Variants in ERBB2 observed in about 807,000 individuals in gnomAD.
ERBB2 encodes receptor tyrosine-protein kinase erbB-2.
A neutral mutation model predicts 149.0 loss-of-function variants in ERBB2; 61 were observed. The observed-to-expected ratio is 0.41, with a 90% CI of 0.33 to 0.51. The LOEUF is 0.51. ERBB2 is among the 20% of genes least tolerant of loss of function. The pLI is 0.25. For synonymous variants in ERBB2, 633 were observed against 678.8 expected, an observed-to-expected ratio of 0.93 and a Z score of 1.05; for missense variants, 1,205 against 1,655.1, an observed-to-expected ratio of 0.73 and a Z score of 4.72.
rs376399983 is a variant in ERBB2 at position 39,715,577 on chromosome 17, C to T, written c.1313+41C>T. 3.1e-6 allele frequency: 5 copies of T among 1,591,340 alleles called. No individual in the cohort carries two copies. The South Asian group carries it at 5.5e-5, about 18-fold the overall frequency. On this transcript the variant is annotated intron_variant, in intron 11 of 26. Coordinates refer to ENST00000269571, the MANE Select transcript of ERBB2 (RefSeq NM_004448.4). The stretch of plus-strand genomic sequence containing the variant: ...GAGGGGGCCTGATGGGGAGGAGTCC[C>T]AGGGAGGAGTCCCTGTGGGAAGCTT...
chr17:39,689,497 T>G (rs1213174392), intron 2 of ERBB2, among the ~76,000 whole-genome samples: 1 of 152,236 alleles, frequency 6.6e-6, no homozygotes, highest in Non-Finnish European at 1.5e-5. Context: ...CATTTCATTT[T>G]GTCCTTTCTG....
chr17:39,694,269 GT>G (rs2057801345), upstream of ERBB2, among the ~76,000 whole-genome samples: 2 of 17,856 alleles, frequency 1.1e-4, no homozygotes, highest in African/African-American at 3.5e-4. Context: ...ATATATATAT[GT>G]GTGTATATAT....
Position 39,712,331 on chromosome 17 carries a change from G to A in ERBB2, c.1031G>A (p.Gly344Asp), listed in dbSNP as rs1037129509. The A allele has an allele frequency of 6.2e-7, 1 of 1,614,006 alleles. No homozygotes were observed. ...CSKPCARVCY[G>D]LGMEHLREVR... is the part of the protein sequence containing the mutation. ...ACCCCCACCTCCTCAGTGTGCTATGGTCTGGGCATGGAGCACTTGCGAGAG... is the reference window on the plus strand; with the variant it reads ...ACCCCCACCTCCTCAGTGTGCTATGATCTGGGCATGGAGCACTTGCGAGAG... The change falls in exon 9 of 27, where the codon GGT (glycine) becomes GAT (aspartate). Residue 344 changes from glycine to aspartate, a missense_variant. Gly to Asp is a moderately conservative substitution (Grantham distance 94). Transcript: ENST00000269571.
At chr17:39,711,407 G>T (rs1273793208) in intron 7 of ERBB2, among the ~76,000 whole-genome samples, 3 of 152,096 alleles carry the variant, frequency 2.0e-5, no homozygotes, top group African/African-American at 7.2e-5. Context: ...GGCCAAGCTG[G>T]TCTCGAACTC....
chr17:39,700,823 T>C (rs905103073), intron 1 of ERBB2, among the ~76,000 whole-genome samples: 2 of 151,726 alleles, frequency 1.3e-5, no homozygotes, highest in Non-Finnish European at 2.9e-5. Context: ...GGGTCGGGTG[T>C]GTGTGTGTGT....
chr17:39,712,548 G>T, intron 9 of ERBB2, 100 bp downstream of exon 9: 1 of 1,414,276 alleles, frequency 7.1e-7, no homozygotes, highest in African/African-American at 1.4e-5. Context: ...AGACAGAAGT[G>T]GGGGGATCAA....
At chr17:39,696,390 C>T (rs1288027122), upstream of ERBB2, 1 of 152,410 alleles carries the variant, frequency 6.6e-6, no homozygotes. Flanking sequence ...CATTGTCTGC[C>T]AGTCCGGGTT....
intron 9 of ERBB2, among the ~76,000 whole-genome samples, chr17:39,714,657 G>A (rs915547126): frequency 1.3e-5 from 2 of 152,092 alleles, no homozygotes; most frequent in Non-Finnish European, 2.9e-5. Flanking sequence ...TTTACTAATA[G>A]ACATTTAGAT....
At chr17:39,716,221 G>A in intron 12 of ERBB2, 80 bp from the exon 13 acceptor site, 3 of 1,459,430 alleles carry the variant, frequency 2.1e-6, no homozygotes, top group Non-Finnish European at 9.1e-7. Flanking sequence ...CCACAGCCAT[G>A]CCCACAGCCA....
chr17:39,700,632 G>A (rs2058045796), intron 1 of ERBB2, among the ~76,000 whole-genome samples: 1 of 152,180 alleles, frequency 6.6e-6, no homozygotes, highest in Admixed American at 6.5e-5. Context: ...TAGAGCGCGC[G>A]CGCGCGTTTC....
At chr17:39,724,981 A>T (rs2145858347) in intron 20 of ERBB2, 68 bp from the exon 21 acceptor site, 1 of 1,607,574 alleles carries the variant, frequency 6.2e-7, no homozygotes, top group East Asian at 2.2e-5. Context: ...TAGGATGGGG[A>T]CTCTTGCTGG....
chr17:39,691,556 A>AAAAAAAAAAAAAAAAT (rs573116217), upstream of ERBB2, among the ~76,000 whole-genome samples: 1 of 84,176 alleles, frequency 1.2e-5, no homozygotes, highest in African/African-American at 5.0e-5. Context: ...TAAAAAAAAA[A>AAAAAAAAAAAAAAAAT]ATATATATAT....
Position 39,712,434 on chromosome 17 carries a change from G to A in ERBB2, c.1134G>A (p.Pro378=), listed in dbSNP as rs143225142. 35 of 1,613,554 alleles carry A rather than the reference G, an allele frequency of 2.2e-5. No homozygotes were observed. Among genetic ancestry groups the A allele is most frequent in the African/African-American group, 5.3e-5 (4 of 74,914 alleles). Residue 378 remains proline, a synonymous_variant, in exon 9 of 27, where the codon CCG becomes CCA. Coordinates refer to ENST00000269571, the MANE Select transcript of ERBB2 (RefSeq NM_004448.4). The part of the protein sequence containing the change: ...KKIFGSLAFL[P]ESFDGDPASN... ...TCTTTGGGAGCCTGGCATTTCTGCC[G>A]GAGAGCTTTGATGGGTAAGAGTGGG...
Position 39,710,572 on chromosome 17 carries a change from T to A in ERBB2, c.901+91T>A. ...CATATGGGGAGCACTGTCTGCATCT[T>A]GCTTTGAGAGCTGGTCATGACAGTT... is the stretch of plus-strand genomic sequence containing the variant. On this transcript the variant is annotated intron_variant, in intron 7 of 26. Coordinates refer to ENST00000269571, the MANE Select transcript of ERBB2 (RefSeq NM_004448.4). 9 of 1,441,446 alleles carry A rather than the reference T, an allele frequency of 6.2e-6. No individual in the cohort carries two copies. The South Asian group carries it at 8.5e-5, about 14-fold the overall frequency. 89.3% of individuals were successfully genotyped at this position (1,441,446 alleles called of 1,614,324 possible).
intron 16 of ERBB2, among the ~76,000 whole-genome samples, chr17:39,722,208 C>G (rs2145784978): frequency 6.6e-6 from 1 of 152,198 alleles, no homozygotes; most frequent in South Asian, 2.1e-4. Context: ...TTTCAGTATT[C>G]AATAAATTAC....
rs1224572293 is a variant in ERBB2, at chr17:39,715,553, AG to A, written c.1313+22del. ...TCTGCACAAGTGAGCACTGAGAAAG[AG>A]GGGGCCTGATGGGGAGGAGTCCCAG... On this transcript the variant is annotated intron_variant, in intron 11 of 26. Coordinates refer to ENST00000269571, the MANE Select transcript of ERBB2 (RefSeq NM_004448.4). The A allele has an allele frequency of 7.4e-6, 12 of 1,612,270 alleles. No homozygotes were observed. Among genetic ancestry groups the A allele is most frequent in the African/African-American group, 1.3e-5 (1 of 74,866 alleles).
At chr17:39,717,021 G>A (rs2059171505) in intron 14 of ERBB2, 1 of 449,988 alleles carries the variant, frequency 2.2e-6, no homozygotes. Context: ...CACGGGAAAG[G>A]CTTTCTACAG....
Position 39,726,113 on chromosome 17 carries a change from C to A in ERBB2, c.2872+260C>A. The A allele has an allele frequency of 2.1e-6, 1 of 474,188 alleles. No individual in the cohort carries two copies. Among genetic ancestry groups the A allele is most frequent in the South Asian group, 2.6e-5 (1 of 38,084 alleles). The allele number at this position is 474,188 out of a possible 1,614,324, so 29.4% of individuals were successfully genotyped here. A position where few individuals can be genotyped will look rare whatever the true frequency, so the allele number is the denominator to read the frequency against. ...CTTTTGGAGGCTGAGGTGGGAGGAT[C>A]CCTTGAAGCCAGGAGTTCAAGACCA... is the stretch of plus-strand genomic sequence containing the variant. On this transcript the variant is annotated intron_variant, in intron 23 of 26. Coordinates refer to ENST00000269571, the MANE Select transcript of ERBB2 (RefSeq NM_004448.4). This position sits in a 1 kb window ranked among gnomAD's most constrained non-coding sequence, Gnocchi z 5.1.
chr17:39,695,749 ACACACACACG>A (rs2057848791), upstream of ERBB2, among the ~76,000 whole-genome samples: 1 of 147,426 alleles, frequency 6.8e-6, no homozygotes, highest in African/African-American at 2.6e-5. Flanking sequence ...ACACACACAC[ACACACACACG>A]TCTCCTGTGC....
Sources: allele counts gnomAD v4.1 joint callset (sites outside exome capture counted in the v4.1 genomes callset), GRCh38; gene constraint gnomAD v4.1.1; non-coding constraint Gnocchi (gnomAD v3.1); transcripts MANE v1.5; gene names NCBI Gene and HGNC (gene_info 2026-07-23, HGNC 2026-07-21).